The following MID1 variants were observed in gnomAD, a reference collection of about 807,000 sequenced individuals.
MID1 encodes the protein E3 ubiquitin-protein ligase Midline-1.
In MID1, 7 loss-of-function variants were observed where a neutral mutation model predicts 40.4. The observed-to-expected ratio is 0.17, with a 90% CI of 0.10 to 0.33. The LOEUF is 0.33. MID1 is among the 10% of genes least tolerant of loss of function. MID1 has a pLI of 1.00. For missense variants in MID1, 367 were observed against 558.5 expected, an observed-to-expected ratio of 0.66 and a Z score of 3.46; for synonymous variants, 229 against 221.2, an observed-to-expected ratio of 1.04 and a Z score of -0.31.
Position 10,447,722 on chromosome X carries a change from C to T in MID1, c.*1646G>A, listed in dbSNP as rs1051639911. 9.0e-6 allele frequency: 1 copy of T among 111,330 alleles called. No individual in the cohort carries two copies. The highest frequency in any genetic ancestry group is 9.5e-5 in the Admixed American group (1 of 10,483). 9.2% of individuals were successfully genotyped at this position (111,330 alleles called of 1,213,427 possible). Reference sequence around the variant, plus strand: ...TCTGCTAGGGAAGAGGATGGAAGGACCCAGGAAGCTGGCTTGGCCTCCCTT... The same window carrying T: ...TCTGCTAGGGAAGAGGATGGAAGGATCCAGGAAGCTGGCTTGGCCTCCCTT... On this transcript the variant is annotated 3_prime_UTR_variant, in exon 10 of 10. Transcript: ENST00000317552.
At chrX:10,667,215 C>T (rs1430626785) in intron 1 of MID1, among the ~76,000 whole-genome samples, 1 of 111,582 alleles carries the variant, frequency 9.0e-6, no homozygotes, top group Non-Finnish European at 1.9e-5. Context: ...GTAATCATCT[C>T]CTCTGTGAAA....
At chrX:10,660,802 A>T (rs1009743855) in intron 1 of MID1, among the ~76,000 whole-genome samples, 2 of 112,157 alleles carry the variant, frequency 1.8e-5, no homozygotes, top group Non-Finnish European at 3.8e-5. Flanking sequence ...CTGATTAGAC[A>T]TAATTACAGA....
chrX:10,495,542 T>C, intron 4 of MID1, 42 bp downstream of exon 4: 1 of 1,000,783 alleles, frequency 1.0e-6, no homozygotes, highest in South Asian at 1.9e-5. Context: ...ATTTATTTTC[T>C]CCAGGTAGAG....
chrX:10,454,755 TA>T, intron 9 of MID1, 114 bp downstream of exon 9: 1 of 655,674 alleles, frequency 1.5e-6, no homozygotes, highest in South Asian at 2.3e-5. Flanking sequence ...AGCTGACTAA[TA>T]CAACTTTTCT....
In MID1 at chrX:10,459,689, C is replaced by T. The variant is rs1357110565; in HGVS notation, c.1404G>A (p.Gln468=). ...CAGGCTCACTGCTGCGGCTGCCCGCCTGGTTGATGGCCTTGACCATGAAGA... is the reference window on the plus strand; with the variant it reads ...CAGGCTCACTGCTGCGGCTGCCCGCTTGGTTGATGGCCTTGACCATGAAGA... ...KYIFMVKAIN[Q]AGSRSSEPGK... The change falls in exon 8 of 10, where the codon CAG becomes CAA. Residue 468 remains glutamine, a synonymous_variant. Coordinates refer to ENST00000317552, the MANE Select transcript of MID1 (RefSeq NM_000381.4). The T allele has an allele frequency of 8.3e-7, 1 of 1,211,808 alleles. No individual in the cohort carries two copies. Among genetic ancestry groups the T allele is most frequent in the South Asian group, 1.8e-5 (1 of 56,999 alleles).
At position 10,787,316 on chromosome X, in the gene MID1, G is replaced by A. The variant is rs1030987365; in HGVS notation, c.-187+46238C>T. ...GTTAAAACTGGTTTCCCTTGAGTGC[G>A]TAGTAATAGTGGGGGTAATGAGGGA... On this transcript the variant is annotated intron_variant, in intron 1 of 10. Transcript: ENST00000380785. 1.0e-4 allele frequency among the ~76,000 whole-genome samples: 11 copies of A among 108,830 alleles called. No individual in the cohort carries two copies. The South Asian group carries it at 1.2e-3, about 12-fold the overall frequency. 94.5% of individuals were successfully genotyped at this position (108,830 alleles called of 115,157 possible).
intron 3 of MID1, among the ~76,000 whole-genome samples, chrX:10,521,357 T>C (rs1417200172): frequency 9.0e-6 from 1 of 110,744 alleles, no homozygotes; most frequent in Middle Eastern, 4.2e-3. Flanking sequence ...TGTTACGTGA[T>C]TCAGAGAAAG....
chrX:10,720,309 G>A (rs1271844164), intron 1 of MID1, among the ~76,000 whole-genome samples: 28 of 111,186 alleles, frequency 2.5e-4, no homozygotes, highest in African/African-American at 7.9e-4. Flanking sequence ...TCTGACAAAG[G>A]GCTAATATCC....
At chrX:10,720,180 A>C (rs1455736595) in intron 1 of MID1, among the ~76,000 whole-genome samples, 1 of 112,006 alleles carries the variant, frequency 8.9e-6, no homozygotes, top group Non-Finnish European at 1.9e-5. Flanking sequence ...ATGGCAACAA[A>C]AGCGAAAATT....
At chrX:10,827,627 TTAAA>T (rs979721842) in intron 1 of MID1, among the ~76,000 whole-genome samples, 17 of 110,758 alleles carry the variant, frequency 1.5e-4, no homozygotes, top group African/African-American at 5.6e-4. Flanking sequence ...GTTTAAAGTG[TTAAA>T]TAATTAGCTC....
intron 1 of MID1, among the ~76,000 whole-genome samples, chrX:10,814,603 G>A (rs139112549): frequency 0.012 from 1,274 of 108,417 alleles, 20 homozygotes; most frequent in African/African-American, 0.039. Flanking sequence ...GTGTGTGTGC[G>A]TGTGTGCATA....
intron 3 of MID1, among the ~76,000 whole-genome samples, chrX:10,498,597 T>C (rs1452353184): frequency 1.8e-5 from 2 of 112,152 alleles, no homozygotes; most frequent in African/African-American, 6.5e-5. Flanking sequence ...ATGTGTGCAG[T>C]CACTCCACAT....
intron 1 of MID1, among the ~76,000 whole-genome samples, chrX:10,595,098 A>G (rs1379837162): frequency 8.9e-6 from 1 of 111,989 alleles, no homozygotes; most frequent in Non-Finnish European, 1.9e-5. Flanking sequence ...CCCCTTCTGC[A>G]GATGAGGAAA....
At chrX:10,487,724 G>A (rs1002201570) in intron 4 of MID1, among the ~76,000 whole-genome samples, 6 of 111,161 alleles carry the variant, frequency 5.4e-5, no homozygotes, top group Admixed American at 9.6e-5. Flanking sequence ...GCCGTTTCTC[G>A]AATTTCATAT....
chrX:10,670,143 T>C (rs771251598), intron 1 of MID1, among the ~76,000 whole-genome samples: 37 of 112,484 alleles, frequency 3.3e-4, no homozygotes, highest in African/African-American at 6.1e-4. Flanking sequence ...CCCTTTCACA[T>C]AGTAGATACC....
chrX:10,569,984 T>C (rs1377939275), intron 1 of MID1, among the ~76,000 whole-genome samples: 7 of 111,891 alleles, frequency 6.3e-5, no homozygotes, highest in Non-Finnish European at 9.4e-5. Context: ...CTTCCCCCTA[T>C]AGTCTATCCT....
chrX:10,808,825 T>C (rs2044068482), intron 1 of MID1, among the ~76,000 whole-genome samples: 1 of 111,860 alleles, frequency 8.9e-6, no homozygotes, highest in Non-Finnish European at 1.9e-5. Context: ...ATAAAAACCC[T>C]AGAAGAAAAC....
At chrX:10,589,511 G>A (rs930621327) in intron 1 of MID1, 1 of 111,887 alleles carries the variant, frequency 8.9e-6, no homozygotes, top group Admixed American at 9.4e-5. Context: ...CCAAAGTGCC[G>A]ATAAAGGCAT....
intron 1 of MID1, among the ~76,000 whole-genome samples, chrX:10,730,026 G>A (rs2043431295): frequency 9.3e-6 from 1 of 108,048 alleles, no homozygotes; most frequent in African/African-American, 3.4e-5. Context: ...GGAGGTTGCA[G>A]TGAGCCGAGA....
Sources: allele counts gnomAD v4.1 joint callset (sites outside exome capture counted in the v4.1 genomes callset), GRCh38; gene constraint gnomAD v4.1.1; transcripts MANE v1.5; gene names NCBI Gene and HGNC (gene_info 2026-07-23, HGNC 2026-07-21).